Variants in PTCH2 observed in about 807,000 individuals in gnomAD.
The protein encoded by PTCH2 is protein patched homolog 2.
A neutral mutation model predicts 117.9 loss-of-function variants in PTCH2; 96 were observed. That is an observed-to-expected ratio of 0.81 (90% CI 0.69 to 0.96). The LOEUF (loss-of-function observed/expected upper bound fraction) is 0.96, where lower values mean the gene tolerates loss of function less well. Among genes scored for constraint, PTCH2 ranks in the 50% least tolerant of loss-of-function variants. The pLI is 0.00. For synonymous variants in PTCH2, 615 were observed against 660.9 expected (o/e 0.93, Z 1.06); for missense variants, 1,379 against 1,562.5 (o/e 0.88, Z 1.98).
intron 2 of PTCH2, among the ~76,000 whole-genome samples, chr1:44,835,996 AGGG>A (rs1653669725): frequency 6.6e-6 from 1 of 152,154 alleles, no homozygotes; most frequent in Non-Finnish European, 1.5e-5. Flanking sequence ...GGCACTAAGA[AGGG>A]GACTGACTTG....
At position 44,842,047 on chromosome 1, in the gene PTCH2, GGAAA is replaced by G. The variant is rs1162638420; in HGVS notation, c.73-12_73-9del. ...CAGGCTCCCAGCTAGGATCTGGGAT[GGAAA>G]GAGAAGGGTCAGCCAGGCATCACTG... On this transcript the variant is annotated splice_polypyrimidine_tract_variant and intron_variant, in intron 1 of 21. Transcript: ENST00000372192. 1 of 1,606,406 alleles carries G rather than the reference GGAAA, an allele frequency of 6.2e-7. No homozygotes were observed. The highest frequency in any genetic ancestry group is 8.5e-7 in the Non-Finnish European group (1 of 1,173,756).
chr1:44,820,421 G>A (rs12079597), downstream of PTCH2: 1 of 662,796 alleles, frequency 1.5e-6, no homozygotes, highest in East Asian at 2.9e-5. Flanking sequence ...TCCGGGCTTA[G>A]AGAGAGGGAC....
chr1:44,836,360 C>T (rs1461412791), intron 2 of PTCH2, among the ~76,000 whole-genome samples: 1 of 152,148 alleles, frequency 6.6e-6, no homozygotes, highest in African/African-American at 2.4e-5. Context: ...GCCTGTAACC[C>T]CAGCACTTCA....
chr1:44,819,879 A>G (rs887917653), downstream of PTCH2: 2 of 153,104 alleles, frequency 1.3e-5, no homozygotes, highest in Admixed American at 6.5e-5. Flanking sequence ...ATACTTAAAA[A>G]TGTAGCCTCA....
chr1:44,842,274 C>CTTTT (rs200149437), intron 1 of PTCH2, among the ~76,000 whole-genome samples: 21 of 130,966 alleles, frequency 1.6e-4, no homozygotes, highest in Non-Finnish European at 2.2e-4. Context: ...GTTTTCTCTC[C>CTTTT]TTTTTTTTTT....
chr1:44,841,203 A>C (rs200516654), intron 2 of PTCH2, among the ~76,000 whole-genome samples: 23,899 of 135,248 alleles, frequency 0.18, 2,181 homozygotes, highest in East Asian at 0.25. Context: ...AACCCCCCCC[A>C]AAAAAAAACC....
chr1:44,821,651 C>T (rs944883804), downstream of PTCH2: 1 of 537,390 alleles, frequency 1.9e-6, no homozygotes. Context: ...AATATGGTGG[C>T]TCTGAAAGCC....
intron 2 of PTCH2, among the ~76,000 whole-genome samples, chr1:44,839,701 G>C (rs142854681): frequency 4.1e-4 from 62 of 152,302 alleles, no homozygotes; most frequent in African/African-American, 1.5e-3. Context: ...GCAGTGGTGT[G>C]GGTGGGGATA....
chr1:44,819,972 T>C (rs79027712), downstream of PTCH2: 80 of 154,340 alleles, frequency 5.2e-4, no homozygotes, highest in East Asian at 6.1e-3. Flanking sequence ...GAAAGATTTA[T>C]GCGCTTTGAA....
At chr1:44,840,252 G>A (rs891516693) in intron 2 of PTCH2, among the ~76,000 whole-genome samples, 68 of 151,554 alleles carry the variant, frequency 4.5e-4, no homozygotes, top group African/African-American at 1.5e-3. Flanking sequence ...ACAGGCGCCC[G>A]CCACCACGCC....
At position 44,842,910 on chromosome 1, in the gene PTCH2, C is replaced by CT; in HGVS notation, c.22dup (p.Arg8LysfsTer72). The CT allele has an allele frequency of 1.9e-6, 3 of 1,548,948 alleles. No individual in the cohort carries two copies. On this transcript the variant is annotated frameshift_variant, in exon 1 of 22. Transcript: ENST00000372192. LOFTEE classifies it high-confidence loss of function. ...GGGTGTGTAACTCGGGGGCAGCTCTCTGAGGGGCGGCGATCGAGTCATGCT... is the reference window on the plus strand; with the variant it reads ...GGGTGTGTAACTCGGGGGCAGCTCTCTTGAGGGGCGGCGATCGAGTCATGCT...
chr1:44,830,914 CCCCACGTAGGCCTGG>C lies in PTCH2; in HGVS notation c.732_746del (p.Gln245_Gly249del). On this transcript the variant is annotated inframe_deletion, in exon 6 of 22. Coordinates refer to ENST00000372192, the MANE Select transcript of PTCH2 (RefSeq NM_003738.5). ...GGTCATCAGGGTGCAGACAGGGCCG[CCCCACGTAGGCCTGG>C]CCCACCTGTGCCTTGTCTAGCAGCT... The C allele has an allele frequency of 6.3e-7, 1 of 1,588,316 alleles. No homozygotes were observed.
In PTCH2 at chr1:44,827,524, G is replaced by A. The variant is rs1161313776; in HGVS notation, c.2249C>T (p.Ala750Val). 1 of 1,613,958 alleles carries A rather than the reference G, an allele frequency of 6.2e-7. No individual in the cohort carries two copies. Among genetic ancestry groups the A allele is most frequent in the East Asian group, 2.2e-5 (1 of 44,884 alleles). Residue 750 changes from alanine to valine, a missense_variant, in exon 15 of 22, where the codon GCC becomes GTC. Transcript: ENST00000372192. ...ATCAAAGAGGGCGCGTTGGGAGTGG[G>A]CGTAGTCAAAGCCACCCTGGGTCAC... ...ALVTQGGFDYAHSQRALFDLH... is the reference protein window; with the variant it reads ...ALVTQGGFDYVHSQRALFDLH...
In PTCH2 at chr1:44,827,417, G is replaced by C; in HGVS notation, c.2356C>G (p.Arg786Gly). Residue 786 changes from arginine (R) to glycine (G), a missense_variant, in exon 15 of 22, where the codon CGC becomes GGC. Arg to Gly is a moderately radical substitution (Grantham distance 125, BLOSUM62 -2). Coordinates refer to ENST00000372192, the MANE Select transcript of PTCH2 (RefSeq NM_003738.5). ...QAPRTWLHYYRNWLQGIQAAF... is the reference protein window; with the variant it reads ...QAPRTWLHYYGNWLQGIQAAF... Reference sequence around the variant, plus strand: ...CGCCTCTCACCCTGTAGCCAGTTGCGGTAATAGTGCAGCCAGGTGCGGGGT... The same window carrying C: ...CGCCTCTCACCCTGTAGCCAGTTGCCGTAATAGTGCAGCCAGGTGCGGGGT... 1 of 1,614,060 alleles carries C rather than the reference G, an allele frequency of 6.2e-7. No individual in the cohort carries two copies. Among genetic ancestry groups the C allele is most frequent in the South Asian group, 1.1e-5 (1 of 91,080 alleles).
intron 2 of PTCH2, among the ~76,000 whole-genome samples, chr1:44,840,430 G>A (rs925441751): frequency 2.1e-5 from 3 of 145,212 alleles, no homozygotes; most frequent in Admixed American, 6.8e-5. Context: ...AATCATTCTG[G>A]CCAGGCACGG....
At chr1:44,840,538 T>C (rs1291239562) in intron 2 of PTCH2, among the ~76,000 whole-genome samples, 4 of 151,450 alleles carry the variant, frequency 2.6e-5, no homozygotes, top group South Asian at 4.2e-4. Context: ...TGGTGAAACC[T>C]GGTCTCTACT....
rs1557641575 is a variant in PTCH2, at chr1:44,823,259, AGT to A, written c.3239_3240del (p.His1080LeufsTer2). The A allele has an allele frequency of 3.7e-6, 6 of 1,614,218 alleles. No homozygotes were observed. The highest frequency in any genetic ancestry group is 5.1e-6 in the Non-Finnish European group (6 of 1,180,034). On this transcript the variant is annotated frameshift_variant, in exon 20 of 22. Coordinates refer to ENST00000372192, the MANE Select transcript of PTCH2 (RefSeq NM_003738.5). LOFTEE classifies it high-confidence loss of function. This position sits in a 1 kb window ranked among gnomAD's most constrained non-coding sequence, Gnocchi z 5.1. ...LLGLLMLAGS[H>X]FDFIVRYFFA... ...CCTCCCTACCTTACAATGAAGTCAA[AGT>A]GGGAACCAGCAAGCATGAGCAGACC...
chr1:44,841,618 C>T (rs1653950813), intron 2 of PTCH2, among the ~76,000 whole-genome samples: 1 of 152,344 alleles, frequency 6.6e-6, no homozygotes, highest in East Asian at 1.9e-4. Context: ...TACAAAATCA[C>T]AGACAAATAT....
chr1:44,842,944 TG>T lies in PTCH2; in HGVS notation c.-13del, dbSNP rs1379590860. 2.0e-6 allele frequency: 3 copies of T among 1,490,746 alleles called. No homozygotes were observed. The highest frequency in any genetic ancestry group is 2.7e-6 in the Non-Finnish European group (3 of 1,117,630). 92.3% of individuals were successfully genotyped at this position (1,490,746 alleles called of 1,614,324 possible). ...GGCGATCGAGTCATGCTGGCGGGGA[TG>T]GGGGGCGCGGGCGCCCCCAACCCGC... On this transcript the variant is annotated 5_prime_UTR_variant, in exon 1 of 22. Transcript: ENST00000372192.
Sources: gnomAD v4.1 joint callset for allele counts (sites outside exome capture counted in the v4.1 genomes callset) on GRCh38, gnomAD v4.1.1 for gene constraint, Gnocchi (gnomAD v3.1) non-coding constraint, MANE v1.5 for transcripts, NCBI Gene and HGNC (gene_info 2026-07-23, HGNC 2026-07-21) for gene names.